The following USH2A variants were observed in gnomAD, a reference collection of about 807,000 sequenced individuals.
The protein encoded by USH2A is usherin, also known as Usher syndrome 2A (autosomal recessive, mild).
A neutral mutation model predicts 538.9 loss-of-function variants in USH2A; 443 were observed. That is an observed-to-expected ratio of 0.82 (90% CI 0.76 to 0.89). The LOEUF (loss-of-function observed/expected upper bound fraction) is 0.89, where lower values mean the gene tolerates loss of function less well. Ranked by LOEUF, USH2A falls within the 40% of genes least tolerant of loss-of-function variation. The pLI, the probability that USH2A is intolerant of heterozygous loss-of-function variation, is 0.00. For missense variants in USH2A, 6,633 were observed against 6,324.8 expected (o/e 1.05, Z -1.65); for synonymous variants, 2,413 against 2,273.5 (o/e 1.06, Z -1.75).
intron 38 of USH2A, among the ~76,000 whole-genome samples, chr1:215,922,041 G>A (rs1666111884): frequency 6.6e-6 from 1 of 152,062 alleles, no homozygotes; most frequent in African/African-American, 2.4e-5. Context: ...TCTTAGCTAT[G>A]AGGTCCAATA....
At chr1:216,007,201 C>A (rs1668414630) in intron 32 of USH2A, among the ~76,000 whole-genome samples, 2 of 152,156 alleles carry the variant, frequency 1.3e-5, no homozygotes, top group Admixed American at 6.5e-5. Context: ...GTCCATTAAA[C>A]CTCTTTTTCT....
intron 60 of USH2A, among the ~76,000 whole-genome samples, chr1:215,732,355 TA>T (rs772564187): frequency 1.3e-5 from 2 of 152,148 alleles, no homozygotes; most frequent in African/African-American, 2.4e-5. Context: ...TGCTTATCCT[TA>T]ATCTGCTGAT....
chr1:215,895,857 C>T (rs1041059564), intron 40 of USH2A, among the ~76,000 whole-genome samples: 3 of 152,122 alleles, frequency 2.0e-5, no homozygotes, highest in African/African-American at 7.2e-5. Context: ...TGGTATAGCC[C>T]ACTACACAGC....
chr1:215,952,019 C>T (rs561059314), intron 37 of USH2A, among the ~76,000 whole-genome samples: 5 of 151,018 alleles, frequency 3.3e-5, no homozygotes, highest in African/African-American at 7.3e-5. Context: ...CGCCCGCCAC[C>T]GCGCCCGGCT....
intron 30 of USH2A, among the ~76,000 whole-genome samples, chr1:216,049,939 C>T (rs905495655): frequency 5.3e-5 from 8 of 152,170 alleles, no homozygotes; most frequent in Admixed American, 1.3e-4. Context: ...CCAAAGAAGA[C>T]AGCAAGCCAA....
intron 21 of USH2A, among the ~76,000 whole-genome samples, chr1:216,101,337 T>A (rs996805531): frequency 1.3e-5 from 2 of 152,240 alleles, no homozygotes; most frequent in African/African-American, 4.8e-5. Flanking sequence ...GACAGAATGG[T>A]AACATGCATA....
rs2034845290 is a variant in USH2A at position 216,196,423 on chromosome 1, T to C, written c.4251+130A>G. 6 of 937,794 alleles carry C rather than the reference T, an allele frequency of 6.4e-6. No homozygotes were observed. The South Asian group carries it at 8.8e-5, about 14-fold the overall frequency. 58.1% of individuals were successfully genotyped at this position (937,794 alleles called of 1,614,324 possible). The stretch of plus-strand genomic sequence containing the variant: ...AGGGAGGCTTGTACACATAATATTA[T>C]ATTAAGAAAAAATGCCCTGTTTAAT... On this transcript the variant is annotated intron_variant, in intron 19 of 71. Coordinates refer to ENST00000307340, the MANE Select transcript of USH2A (RefSeq NM_206933.4).
intron 66 of USH2A, 77 bp from the exon 67 acceptor site, chr1:215,647,807 T>C: frequency 1.3e-6 from 2 of 1,530,470 alleles, no homozygotes; most frequent in Non-Finnish European, 1.8e-6. Flanking sequence ...ACCAGTTCTA[T>C]TTTGTGAGGA....
Position 215,653,187 on chromosome 1 carries a change from C to T in USH2A, c.14134-2386G>A, listed in dbSNP as rs185271888. Among the ~76,000 whole-genome samples the T allele has an allele frequency of 1.7e-4, 26 of 152,240 alleles. 1 individual carries two copies. The East Asian group carries it at 4.3e-3, about 25-fold the overall frequency. On this transcript the variant is annotated intron_variant, in intron 64 of 71. Transcript: ENST00000307340. ...ACTAAATCTCAGCCTTCCTGTGTTA[C>T]GTGAACTTCTACTAGGTGGAGTTCT...
At chr1:216,178,790 G>C (rs138026449) in intron 20 of USH2A, among the ~76,000 whole-genome samples, 95 of 152,064 alleles carry the variant, frequency 6.2e-4, no homozygotes, top group Admixed American at 1.8e-3. Context: ...AGACTATTGA[G>C]CACTTGAAAT....
At chr1:215,836,499 A>AT (rs1663510326) in intron 47 of USH2A, among the ~76,000 whole-genome samples, 1 of 7,140 alleles carries the variant, frequency 1.4e-4, no homozygotes, top group Non-Finnish European at 2.9e-4. Context: ...TATATATATA[A>AT]TATATATTAT....
At chr1:216,265,467 C>T (rs992308127) in intron 11 of USH2A, among the ~76,000 whole-genome samples, 5 of 151,918 alleles carry the variant, frequency 3.3e-5, no homozygotes, top group African/African-American at 1.2e-4. Context: ...AAGAGAACTA[C>T]CATATGATTC....
intron 37 of USH2A, among the ~76,000 whole-genome samples, chr1:215,953,235 A>C (rs1345782440): frequency 6.6e-6 from 1 of 152,078 alleles, no homozygotes. Flanking sequence ...ATATGGAACC[A>C]AAAAAAGAGC....
intron 4 of USH2A, among the ~76,000 whole-genome samples, chr1:216,348,177 G>A (rs934470243): frequency 1.8e-4 from 27 of 152,092 alleles, no homozygotes; most frequent in African/African-American, 6.0e-4. Context: ...CTATTTGTGA[G>A]TATTCTTAAC....
At chr1:216,281,741 C>T (rs953247726) in intron 11 of USH2A, among the ~76,000 whole-genome samples, 1 of 151,874 alleles carries the variant, frequency 6.6e-6, no homozygotes, top group African/African-American at 2.4e-5. Context: ...ATGGTAATTC[C>T]ATCTTTAATA....
At chr1:215,709,027 G>A (rs1659262030) in intron 61 of USH2A, among the ~76,000 whole-genome samples, 1 of 152,052 alleles carries the variant, frequency 6.6e-6, no homozygotes, top group African/African-American at 2.4e-5. Context: ...ACAAATAAAT[G>A]GCCAGTCTGA....
chr1:215,927,351 T>G (rs1323745102), intron 38 of USH2A, among the ~76,000 whole-genome samples: 1 of 152,130 alleles, frequency 6.6e-6, no homozygotes, highest in Non-Finnish European at 1.5e-5. Context: ...GAAATCAAAC[T>G]ATGCATTATG....
At chr1:216,398,587 T>G (rs2039256661) in intron 3 of USH2A, among the ~76,000 whole-genome samples, 1 of 150,702 alleles carries the variant, frequency 6.6e-6, no homozygotes, top group African/African-American at 2.4e-5. Context: ...CCACACACAC[T>G]CACACACATT....
At chr1:215,642,827 T>A (rs919335855) in intron 67 of USH2A, among the ~76,000 whole-genome samples, 2 of 151,950 alleles carry the variant, frequency 1.3e-5, no homozygotes, top group African/African-American at 2.4e-5. Context: ...ATCAGGCCAT[T>A]TTTCCCTCAA....
Sources: gnomAD v4.1 joint callset for allele counts (sites outside exome capture counted in the v4.1 genomes callset) on GRCh38, gnomAD v4.1.1 for gene constraint, MANE v1.5 for transcripts, NCBI Gene and HGNC (gene_info 2026-07-23, HGNC 2026-07-21) for gene names.